PPFIA3: variants seen among roughly 807,000 people sequenced by gnomAD.
PPFIA3 encodes the protein liprin-alpha-3.
In PPFIA3, 26 loss-of-function variants were observed where a neutral mutation model predicts 145.8. The observed-to-expected ratio is 0.18, with a 90% confidence interval of 0.13 to 0.25. PPFIA3 has a LOEUF of 0.25. Among genes scored for constraint, PPFIA3 ranks in the 10% least tolerant of loss-of-function variants. PPFIA3 has a pLI of 1.00. For missense variants in PPFIA3, 1,008 were observed against 1,587.8 expected (o/e 0.63, Z 6.21); for synonymous variants, 645 against 661.4 (o/e 0.98, Z 0.38).
chr19:49,126,043 C>T (rs915579793), intron 1 of PPFIA3, among the ~76,000 whole-genome samples: 12 of 152,032 alleles, frequency 7.9e-5, no homozygotes, highest in Non-Finnish European at 1.5e-4. Flanking sequence ...CTCTGCCTCC[C>T]GGGTTCAAGC....
chr19:49,148,004 G>A, intron 23 of PPFIA3, 79 bp from the exon 24 acceptor site: 2 of 1,434,312 alleles, frequency 1.4e-6, no homozygotes, highest in Middle Eastern at 2.2e-4. Flanking sequence ...TGGATTGGGA[G>A]GTTGGACTGT....
In PPFIA3 at chr19:49,128,489, G is replaced by A. The variant is rs2041031309; in HGVS notation, c.342+21G>A. ...CGCGGGTGAGGGGTGTTGAGGGCGG[G>A]GCCTAAGTGGGGGCGGGGCCTCGTG... On this transcript the variant is annotated intron_variant, in intron 3 of 29. Coordinates refer to ENST00000334186, the MANE Select transcript of PPFIA3 (RefSeq NM_003660.4). This position sits in a 1 kb window ranked among gnomAD's most constrained non-coding sequence, Gnocchi z 4.1. 1 of 1,599,028 alleles carries A rather than the reference G, an allele frequency of 6.3e-7. No individual in the cohort carries two copies. The highest frequency in any genetic ancestry group is 8.6e-7 in the Non-Finnish European group (1 of 1,168,446).
Position 49,128,246 on chromosome 19 carries a change from G to C in PPFIA3, c.241-121G>C. 6.7e-7 allele frequency: 1 copy of C among 1,492,432 alleles called. No homozygotes were observed. The allele number at this position is 1,492,432 out of a possible 1,614,324, so 92.4% of individuals were successfully genotyped here. ...CTTGCCGTTAATGGGCGGGGCCTGAGTGGCAAGGGACAGCGGGACTTAGCA... is the reference window on the plus strand; with the variant it reads ...CTTGCCGTTAATGGGCGGGGCCTGACTGGCAAGGGACAGCGGGACTTAGCA... On this transcript the variant is annotated intron_variant, in intron 2 of 29. Transcript: ENST00000334186. This position sits in a 1 kb window ranked among gnomAD's most constrained non-coding sequence, Gnocchi z 4.1.
In PPFIA3 at chr19:49,120,357, C is replaced by A. The variant is rs1352109986; in HGVS notation, c.-16+635C>A. Among the ~76,000 whole-genome samples, 1 of 152,186 alleles carries A rather than the reference C, an allele frequency of 6.6e-6. No homozygotes were observed. The highest frequency in any genetic ancestry group is 1.5e-5 in the Non-Finnish European group (1 of 68,024). On this transcript the variant is annotated intron_variant, in intron 1 of 29. Transcript: ENST00000334186. The surrounding 1 kb of genome is among the most constrained non-coding windows in gnomAD (Gnocchi z 4.6). ...GCCCCAGCCTCTGGGTTCTGCCGGC[C>A]AGGCTCGTGGCCCCGTCCTCGGCAC... is the stretch of plus-strand genomic sequence containing the variant.
At position 49,138,268 on chromosome 19, in the gene PPFIA3, C is replaced by T. The variant is rs775352282; in HGVS notation, c.1917C>T (p.Ser639=). Residue 639 remains serine (S), a synonymous_variant, in exon 16 of 30, where the codon TCC becomes TCT. Transcript: ENST00000334186. ...QRAEELESRV[S]SSGLDSLGRY... ...CAGAGGAGCTGGAGAGTCGGGTGTC[C>T]AGCTCTGGCTTGGACTCGTTGGGCC... The T allele has an allele frequency of 1.9e-6, 3 of 1,613,380 alleles. No individual in the cohort carries two copies.
intron 21 of PPFIA3, among the ~76,000 whole-genome samples, chr19:49,145,298 C>G (rs1037562375): frequency 2.0e-5 from 3 of 152,142 alleles, no homozygotes; most frequent in African/African-American, 7.2e-5. Context: ...GTGCCCGCCT[C>G]AGCCTCCCAA....
Position 49,148,317 on chromosome 19 carries a change from T to G in PPFIA3, c.3011+59T>G, listed in dbSNP as rs537385766. The G allele has an allele frequency of 8.5e-5, 131 of 1,548,360 alleles. 1 individual carries two copies. The African/African-American group carries it at 1.7e-3, about 20-fold the overall frequency. On this transcript the variant is annotated intron_variant, in intron 24 of 29. Coordinates refer to ENST00000334186, the MANE Select transcript of PPFIA3 (RefSeq NM_003660.4). ...AGGGAAGCCCCACCCCAGAGAGTCT[T>G]TGGCCAATAGGATTGGCCATGGGAG...
intron 21 of PPFIA3, among the ~76,000 whole-genome samples, chr19:49,144,311 C>T (rs1404419647): frequency 6.6e-6 from 1 of 152,140 alleles, no homozygotes; most frequent in East Asian, 1.9e-4. Context: ...GCCCGGCCTA[C>T]AATATTTTAA....
At chr19:49,143,098 T>A in intron 21 of PPFIA3, 94 bp downstream of exon 21, 1 of 1,369,860 alleles carries the variant, frequency 7.3e-7, no homozygotes, top group South Asian at 1.3e-5. Context: ...CACTCCCCTG[T>A]CCCACGACCC....
At chr19:49,146,891 T>C (rs535081245) in intron 23 of PPFIA3, among the ~76,000 whole-genome samples, 67 of 152,040 alleles carry the variant, frequency 4.4e-4, no homozygotes, top group African/African-American at 1.6e-3. Flanking sequence ...GATTGCACCA[T>C]TGTACTCCAG....
intron 22 of PPFIA3, 21 bp downstream of exon 22, chr19:49,146,026 G>A (rs756878838): frequency 3.1e-6 from 5 of 1,613,048 alleles, no homozygotes; most frequent in East Asian, 4.5e-5. Flanking sequence ...CCTGCCGGCC[G>A]CCTTGGGGGT....
At position 49,133,956 on chromosome 19, in the gene PPFIA3, C is replaced by G; in HGVS notation, c.1245+77C>G. On this transcript the variant is annotated intron_variant, in intron 10 of 29. Coordinates refer to ENST00000334186, the MANE Select transcript of PPFIA3 (RefSeq NM_003660.4). This position sits in a 1 kb window ranked among gnomAD's most constrained non-coding sequence, Gnocchi z 7.2. The stretch of plus-strand genomic sequence containing the variant: ...GCTTAATAAGGAGGCTGGGCTGGGC[C>G]CGGGGGTGGGGCTTAGAGGAAGGGC... The G allele has an allele frequency of 6.2e-7, 1 of 1,605,486 alleles. No individual in the cohort carries two copies. Among genetic ancestry groups the G allele is most frequent in the East Asian group, 2.2e-5 (1 of 44,686 alleles).
chr19:49,137,074 T>C (rs2041147608), intron 15 of PPFIA3, 163 bp downstream of exon 15: 1 of 630,094 alleles, frequency 1.6e-6, no homozygotes, highest in African/African-American at 1.8e-5. Context: ...TCCCCTAGGA[T>C]ACACTCAGAA....
intron 16 of PPFIA3, among the ~76,000 whole-genome samples, chr19:49,139,114 CAT>C (rs1157052016): frequency 1.3e-5 from 2 of 152,008 alleles, no homozygotes; most frequent in Non-Finnish European, 2.9e-5. Context: ...ACCTGTAACT[CAT>C]TAGCTTTCTT....
At chr19:49,137,237 C>G (rs2041149890) in intron 15 of PPFIA3, 1 of 229,012 alleles carries the variant, frequency 4.4e-6, no homozygotes, top group African/African-American at 2.3e-5. Context: ...ATAACCAGTG[C>G]CCAGAGTCTC....
chr19:49,144,097 C>T (rs952343099), intron 21 of PPFIA3, among the ~76,000 whole-genome samples: 3 of 152,112 alleles, frequency 2.0e-5, no homozygotes, highest in Non-Finnish European at 4.4e-5. Flanking sequence ...CCTCTGCCTC[C>T]TGGGTGCAAG....
chr19:49,129,953 A>T (rs1290826939), intron 5 of PPFIA3, 40 bp from the exon 6 acceptor site: 1 of 1,599,126 alleles, frequency 6.3e-7, no homozygotes, highest in Non-Finnish European at 8.6e-7. Flanking sequence ...CTGGGGGTTC[A>T]GGGAGCCCCT....
rs1284439900 is a variant in PPFIA3 at position 49,149,175 on chromosome 19, T to G, written c.3285+7T>G. ...CCCCACGCAGAATGCACAGGTGAGCTGCCGCTGGGCCCGGAGCATGCTGGG... is the reference window on the plus strand; with the variant it reads ...CCCCACGCAGAATGCACAGGTGAGCGGCCGCTGGGCCCGGAGCATGCTGGG... On this transcript the variant is annotated splice_region_variant and intron_variant, in intron 26 of 29. Coordinates refer to ENST00000334186, the MANE Select transcript of PPFIA3 (RefSeq NM_003660.4). This position sits in a 1 kb window ranked among gnomAD's most constrained non-coding sequence, Gnocchi z 5.7. The G allele has an allele frequency of 6.2e-7, 1 of 1,613,880 alleles. No individual in the cohort carries two copies. The highest frequency in any genetic ancestry group is 8.5e-7 in the Non-Finnish European group (1 of 1,179,902).
chr19:49,141,029 C>T (rs1234762353), intron 18 of PPFIA3, among the ~76,000 whole-genome samples: 3 of 152,172 alleles, frequency 2.0e-5, no homozygotes, highest in Non-Finnish European at 4.4e-5. Context: ...CTGGAGCCCG[C>T]TGGCACTGGC....
Sources: gnomAD v4.1 joint callset for allele counts (sites outside exome capture counted in the v4.1 genomes callset) on GRCh38, gnomAD v4.1.1 for gene constraint, Gnocchi (gnomAD v3.1) non-coding constraint, MANE v1.5 for transcripts, NCBI Gene and HGNC (gene_info 2026-07-23, HGNC 2026-07-21) for gene names.